PSMD5: variants seen among roughly 807,000 people sequenced by gnomAD.
PSMD5 encodes the protein proteasome 26S subunit, non-ATPase 5.
Under a neutral mutation model 52.1 loss-of-function variants are expected in PSMD5, and 40 were observed. The observed-to-expected ratio is 0.77, with a 90% CI of 0.60 to 1.00. The LOEUF is 1.00. Among genes scored for constraint, PSMD5 ranks in the 50% least tolerant of loss-of-function variants. The pLI, the probability that PSMD5 is intolerant of heterozygous loss-of-function variation, is 0.00. For missense variants in PSMD5, 575 were observed against 605.2 expected (o/e 0.95, Z 0.52); for synonymous variants, 211 against 226.6 (o/e 0.93, Z 0.62).
chr9:120,833,393 G>A lies in PSMD5; in HGVS notation c.237C>T (p.His79=), dbSNP rs980962883. ...ERLLQAMEPV[H]VARNLRVDLQ... The stretch of plus-strand genomic sequence containing the variant: ...GGTCAACCCTGAGGTTCCGGGCCAC[G>A]TGAACCGGTTCCATAGCTTGGAGCA... Residue 79 remains histidine, a synonymous_variant, in exon 2 of 10, where the codon CAC becomes CAT. Coordinates refer to ENST00000210313, the MANE Select transcript of PSMD5 (RefSeq NM_005047.4). 4.3e-6 allele frequency: 7 copies of A among 1,613,776 alleles called. No individual in the cohort carries two copies. The highest frequency in any genetic ancestry group is 1.1e-5 in the South Asian group (1 of 91,074).
Position 120,826,898 on chromosome 9 carries a change from A to G in PSMD5, c.681T>C (p.Cys227=), listed in dbSNP as rs1262954133. ...TGEDVLVRAT[C]IEMVTSLAYT... is the part of the protein sequence containing the mutation. The stretch of plus-strand genomic sequence containing the variant: ...ATGCCAGTGATGTCACCATTTCTAT[A>G]CAGGTGGCTCTAAAATGTCAGAAGG... Residue 227 remains cysteine (C), a synonymous_variant, in exon 6 of 10, where the codon TGT becomes TGC. Coordinates refer to ENST00000210313, the MANE Select transcript of PSMD5 (RefSeq NM_005047.4). 2 of 1,610,010 alleles carry G rather than the reference A, an allele frequency of 1.2e-6. No homozygotes were observed. Among genetic ancestry groups the G allele is most frequent in the African/African-American group, 1.3e-5 (1 of 74,764 alleles).
intron 7 of PSMD5, chr9:120,824,200 A>G: frequency 2.5e-6 from 1 of 404,730 alleles, no homozygotes; most frequent in South Asian, 2.5e-5. Flanking sequence ...GTACCATGAA[A>G]TCTAGTCAAA....
At chr9:120,822,979 C>A (rs1302637594) in intron 7 of PSMD5, among the ~76,000 whole-genome samples, 1 of 151,876 alleles carries the variant, frequency 6.6e-6, no homozygotes, top group Non-Finnish European at 1.5e-5. Flanking sequence ...TAGGCATGCA[C>A]CACCACAGCT....
chr9:120,821,371 G>T lies in PSMD5; in HGVS notation c.1100C>A (p.Ser367Tyr). Residue 367 changes from serine (S) to tyrosine (Y), a missense_variant, in exon 8 of 10, where the codon TCT becomes TAT. By Grantham distance (144) the Ser-to-Tyr change is moderately radical. Transcript: ENST00000210313. ...LKIRCLDAIS[S>Y]LLYLPPEQQT... ...CCTACTTACTGGTAAGTACAGAAGA[G>T]ATGAAATTGCATCCAAACATCTAAT... 1 of 1,593,934 alleles carries T rather than the reference G, an allele frequency of 6.3e-7. No individual in the cohort carries two copies.
chr9:120,821,450 G>T lies in PSMD5; in HGVS notation c.1021C>A (p.Arg341Ser). The T allele has an allele frequency of 1.3e-6, 2 of 1,593,166 alleles. No homozygotes were observed. Among genetic ancestry groups the T allele is most frequent in the Non-Finnish European group, 1.7e-6 (2 of 1,172,196 alleles). Residue 341 changes from arginine to serine, a missense_variant, in exon 8 of 10, where the codon CGC becomes AGC. By Grantham distance (110) the Arg-to-Ser change is moderately radical (BLOSUM62 -1). Coordinates refer to ENST00000210313, the MANE Select transcript of PSMD5 (RefSeq NM_005047.4). ...VLQKTGTRFE[R>S]LLMRIGHQSK... ...TGATGTCCTATTCTCATAAGCAAGC[G>T]TTCAAAGCGAGTTCCTTTGAAGGAT...
intron 6 of PSMD5, 53 bp from the exon 7 acceptor site, chr9:120,824,738 T>G: frequency 6.9e-7 from 1 of 1,456,260 alleles, no homozygotes; most frequent in Non-Finnish European, 9.3e-7. Context: ...CAGCATGAAT[T>G]GCGGGCTCTA....
intron 9 of PSMD5, among the ~76,000 whole-genome samples, chr9:120,819,034 C>G (rs1451482174): frequency 6.6e-6 from 1 of 152,176 alleles, no homozygotes; most frequent in African/African-American, 2.4e-5. Context: ...CACACTAATA[C>G]AAAAACTAAA....
intron 3 of PSMD5, 132 bp from the exon 4 acceptor site, chr9:120,831,591 C>A: frequency 8.3e-7 from 1 of 1,206,944 alleles, no homozygotes; most frequent in Non-Finnish European, 1.1e-6. Context: ...TTGGAAAAGA[C>A]GCAAGGTATC....
In PSMD5 at chr9:120,829,271, T is replaced by G. The variant is rs2045144488; in HGVS notation, c.562-63A>C. 2.1e-6 allele frequency: 3 copies of G among 1,423,666 alleles called. No homozygotes were observed. The South Asian group carries it at 4.6e-5, about 22-fold the overall frequency. The allele number at this position is 1,423,666 out of a possible 1,614,324, so 88.2% of individuals were successfully genotyped here. On this transcript the variant is annotated intron_variant, in intron 4 of 9. Coordinates refer to ENST00000210313, the MANE Select transcript of PSMD5 (RefSeq NM_005047.4). ...TCAAATCAGCCCTACGCCTGATAGA[T>G]CTCATTTTAAGTTAAATGTAGGACT...
rs2131417570 is a variant in PSMD5 at position 120,818,027 on chromosome 9, T to C, written c.1394A>G (p.Asn465Ser). The change falls in exon 10 of 10, where the codon AAT (asparagine) becomes AGT (serine). Residue 465 changes from asparagine to serine, a missense_variant. Asn to Ser is a conservative substitution (Grantham distance 46). Transcript: ENST00000210313. ...AKYELVKALA[N>S]SKTIAEIFGN... ...AAAGATTTCTGCAATTGTCTTGGAA[T>C]TGGCAAGTGCTTTCACTAGTTCATA... 1.9e-6 allele frequency: 3 copies of C among 1,614,226 alleles called. No homozygotes were observed. Among genetic ancestry groups the C allele is most frequent in the Non-Finnish European group, 1.7e-6 (2 of 1,180,042 alleles).
intron 4 of PSMD5, 54 bp from the exon 5 acceptor site, chr9:120,829,262 C>T: frequency 6.9e-7 from 1 of 1,450,020 alleles, no homozygotes; most frequent in Non-Finnish European, 9.1e-7. Context: ...CAGCCCTACG[C>T]CTGATAGATC....
chr9:120,825,872 T>C (rs191621513), intron 6 of PSMD5, among the ~76,000 whole-genome samples: 1 of 152,226 alleles, frequency 6.6e-6, no homozygotes, highest in East Asian at 1.9e-4. Context: ...ACAGGGAAAT[T>C]TTCACTTCTT....
Position 120,826,859 on chromosome 9 carries a change from C to A in PSMD5, c.720G>T (p.Gly240=). Reference sequence around the variant, plus strand: ...CTCCTTCTTGAGCAAGATATTGTCGCCCATGATGAGTATATGCCAGTGATG... The same window carrying A: ...CTCCTTCTTGAGCAAGATATTGTCGACCATGATGAGTATATGCCAGTGATG... ...MVTSLAYTHH[G]RQYLAQEGVI... The change falls in exon 6 of 10, where the codon GGG becomes GGT. Residue 240 remains glycine (G), a synonymous_variant. Coordinates refer to ENST00000210313, the MANE Select transcript of PSMD5 (RefSeq NM_005047.4). 1 of 1,613,626 alleles carries A rather than the reference C, an allele frequency of 6.2e-7. No individual in the cohort carries two copies. The highest frequency in any genetic ancestry group is 8.5e-7 in the Non-Finnish European group (1 of 1,179,572).
intron 1 of PSMD5, among the ~76,000 whole-genome samples, chr9:120,841,367 C>CCGTA (rs1340318544): frequency 2.0e-5 from 3 of 152,006 alleles, no homozygotes; most frequent in Admixed American, 2.0e-4. Context: ...ATCACGAGGT[C>CCGTA]CGTAGATCGA....
At chr9:120,838,068 G>C (rs1214478395) in intron 1 of PSMD5, among the ~76,000 whole-genome samples, 1 of 152,144 alleles carries the variant, frequency 6.6e-6, no homozygotes, top group Admixed American at 6.5e-5. Flanking sequence ...CCAAAATAAA[G>C]GGCAAGTTCA....
intron 9 of PSMD5, among the ~76,000 whole-genome samples, chr9:120,818,479 C>T (rs1447461538): frequency 1.3e-5 from 2 of 151,866 alleles, no homozygotes; most frequent in Non-Finnish European, 2.9e-5. Flanking sequence ...GGAAATGATA[C>T]AGGTAAACCT....
chr9:120,842,920 G>A lies in PSMD5; in HGVS notation c.-11C>T, dbSNP rs1248892754. 6.4e-7 allele frequency: 1 copy of A among 1,569,484 alleles called. No homozygotes were observed. ...AGCCTGGGCTGCCATCTTGCCCCCCGACGCAGGGGCTGGCCCAGCGGCCCA... is the reference window on the plus strand; with the variant it reads ...AGCCTGGGCTGCCATCTTGCCCCCCAACGCAGGGGCTGGCCCAGCGGCCCA... On this transcript the variant is annotated 5_prime_UTR_variant, in exon 1 of 10. Coordinates refer to ENST00000210313, the MANE Select transcript of PSMD5 (RefSeq NM_005047.4).
intron 9 of PSMD5, among the ~76,000 whole-genome samples, chr9:120,819,863 A>G (rs1233992331): frequency 6.6e-6 from 1 of 152,072 alleles, no homozygotes; most frequent in African/African-American, 2.4e-5. Flanking sequence ...TGAAGATTAT[A>G]GGAATACCTG....
At chr9:120,839,796 A>ATTT (rs2045221255) in intron 1 of PSMD5, among the ~76,000 whole-genome samples, 1 of 136,564 alleles carries the variant, frequency 7.3e-6, no homozygotes. Flanking sequence ...TGTTTTTTTA[A>ATTT]TCTTTTTTTT....
Sources: gnomAD v4.1 joint callset for allele counts (sites outside exome capture counted in the v4.1 genomes callset) on GRCh38, gnomAD v4.1.1 for gene constraint, MANE v1.5 for transcripts, NCBI Gene and HGNC (gene_info 2026-07-23, HGNC 2026-07-21) for gene names.